HDAC11: variants seen among roughly 807,000 people sequenced by gnomAD.
HDAC11 encodes histone deacetylase 11.
Under a neutral mutation model 41.1 loss-of-function variants are expected in HDAC11, and 23 were observed. That is an observed-to-expected ratio of 0.56 (90% CI 0.40 to 0.79). The LOEUF is 0.79. HDAC11 is among the 30% of genes least tolerant of loss of function. The pLI is 0.00. For synonymous variants in HDAC11, 187 were observed against 186.6 expected (o/e 1.00, Z -0.02); for missense variants, 402 against 477.3 (o/e 0.84, Z 1.47).
intron 3 of HDAC11, among the ~76,000 whole-genome samples, chr3:13,486,884 G>A (rs961214407): frequency 2.6e-5 from 4 of 152,126 alleles, no homozygotes; most frequent in Non-Finnish European, 5.9e-5. Context: ...TGGCCCTCAT[G>A]TATAGCTTTG....
At chr3:13,498,593 G>T in intron 5 of HDAC11, 38 bp downstream of exon 5, 1 of 1,608,940 alleles carries the variant, frequency 6.2e-7, no homozygotes, top group Non-Finnish European at 8.5e-7. Flanking sequence ...GTCCAGCCCG[G>T]CTTGGTGGAA....
intron 5 of HDAC11, among the ~76,000 whole-genome samples, chr3:13,500,299 G>A (rs899629926): frequency 6.6e-6 from 1 of 152,076 alleles, no homozygotes; most frequent in Non-Finnish European, 1.5e-5. Flanking sequence ...GTGGCTGTAG[G>A]CAGTCATGAC....
In HDAC11 at chr3:13,504,594, C is replaced by T; in HGVS notation, c.955C>T (p.Leu319=). 6.2e-7 allele frequency: 1 copy of T among 1,613,848 alleles called. No individual in the cohort carries two copies. Among genetic ancestry groups the T allele is most frequent in the Middle Eastern group, 1.6e-4 (1 of 6,062 alleles). The change falls in exon 10 of 10, where the codon CTG becomes TTG. Residue 319 remains leucine, a synonymous_variant. Coordinates refer to ENST00000295757, the MANE Select transcript of HDAC11 (RefSeq NM_024827.4). The part of the protein sequence containing the change: ...ARIIADSILN[L]FGLGLIGPES... ...CATCATTGCTGACTCCATACTTAAT[C>T]TGTTTGGCCTGGGGCTCATTGGGCC...
rs1702402626 is a variant in HDAC11 at position 13,502,235 on chromosome 3, T to C, written c.552+302T>C. ...AGCTCTGCTGTGGGTCCCCATTGCTTATGAATAATTTGGGGCACTGCCCCC... is the reference window on the plus strand; with the variant it reads ...AGCTCTGCTGTGGGTCCCCATTGCTCATGAATAATTTGGGGCACTGCCCCC... On this transcript the variant is annotated intron_variant, in intron 7 of 9. Coordinates refer to ENST00000295757, the MANE Select transcript of HDAC11 (RefSeq NM_024827.4). The surrounding 1 kb of genome is among the most constrained non-coding windows in gnomAD (Gnocchi z 4.1). The C allele has an allele frequency of 2.7e-6, 1 of 370,120 alleles. No homozygotes were observed. Among genetic ancestry groups the C allele is most frequent in the Non-Finnish European group, 4.9e-6 (1 of 203,760 alleles). 22.9% of individuals were successfully genotyped at this position (370,120 alleles called of 1,614,324 possible). A position where few individuals can be genotyped will look rare whatever the true frequency, so the allele number is the denominator to read the frequency against.
rs112963975 is a variant in HDAC11 at position 13,502,792 on chromosome 3, A to G, written c.553-92A>G. ...GAGAGCAGGCCGTGCTGCCCTGGCA[A>G]ATGGGGAGTTTCCTGAGGGGTGGGT... On this transcript the variant is annotated intron_variant, in intron 7 of 9. Transcript: ENST00000295757. This position sits in a 1 kb window ranked among gnomAD's most constrained non-coding sequence, Gnocchi z 4.1. The G allele has an allele frequency of 4.2e-3, 3,834 of 913,856 alleles. 96 individuals carry two copies. The African/African-American group carries it at 0.056, about 13-fold the overall frequency. The allele number at this position is 913,856 out of a possible 1,614,324, so 56.6% of individuals were successfully genotyped here.
intron 3 of HDAC11, among the ~76,000 whole-genome samples, chr3:13,488,444 T>G (rs1179054703): frequency 6.6e-6 from 1 of 152,174 alleles, no homozygotes; most frequent in African/African-American, 2.4e-5. Flanking sequence ...CAAGTCCCCT[T>G]GGTAATCACT....
At chr3:13,499,465 C>T (rs180797682) in intron 5 of HDAC11, among the ~76,000 whole-genome samples, 56 of 152,312 alleles carry the variant, frequency 3.7e-4, no homozygotes, top group African/African-American at 4.6e-4. Context: ...TGAGCCACCA[C>T]GCCCGGCCTT....
At chr3:13,492,866 A>T (rs966199817) in intron 3 of HDAC11, among the ~76,000 whole-genome samples, 2 of 152,136 alleles carry the variant, frequency 1.3e-5, no homozygotes, top group African/African-American at 2.4e-5. Context: ...TTTAGATTAG[A>T]TGAGGAGGAC....
Position 13,502,953 on chromosome 3 carries a change from A to G in HDAC11, c.622A>G (p.Ile208Val). Residue 208 changes from isoleucine to valine, a missense_variant, in exon 8 of 10, where the codon ATC becomes GTC. Coordinates refer to ENST00000295757, the MANE Select transcript of HDAC11 (RefSeq NM_024827.4). The surrounding 1 kb of genome is among the most constrained non-coding windows in gnomAD (Gnocchi z 4.1). ...VYIMDVYNRH[I>V]YPGDRFAKQA... ...CATCATGGATGTCTACAACCGCCAC[A>G]TCTACCCAGGGGACCGCTTTGCCAA... 6.2e-7 allele frequency: 1 copy of G among 1,613,758 alleles called. No individual in the cohort carries two copies. The highest frequency in any genetic ancestry group is 8.5e-7 in the Non-Finnish European group (1 of 1,179,828).
chr3:13,486,872 C>G (rs1272908869), intron 3 of HDAC11, among the ~76,000 whole-genome samples: 2 of 152,190 alleles, frequency 1.3e-5, no homozygotes, highest in East Asian at 3.9e-4. Flanking sequence ...AGCCACTGCT[C>G]CTGGCCCTCA....
chr3:13,493,419 C>G (rs558606435), intron 3 of HDAC11, among the ~76,000 whole-genome samples: 19 of 152,356 alleles, frequency 1.2e-4, no homozygotes, highest in African/African-American at 4.6e-4. Context: ...AGCGGTGCTG[C>G]CCTGTGGAAC....
chr3:13,497,583 A>C (rs1250962229), intron 4 of HDAC11, among the ~76,000 whole-genome samples: 2 of 152,142 alleles, frequency 1.3e-5, no homozygotes, highest in Non-Finnish European at 2.9e-5. Flanking sequence ...AAGAATCCCC[A>C]CAGCAAAATT....
chr3:13,498,866 G>A (rs376562768), intron 5 of HDAC11, among the ~76,000 whole-genome samples: 28 of 152,008 alleles, frequency 1.8e-4, no homozygotes, highest in South Asian at 1.2e-3. Context: ...TCCAGAGAGC[G>A]TGTGCCATCC....
intron 3 of HDAC11, 70 bp downstream of exon 3, chr3:13,483,634 C>A: frequency 8.0e-7 from 1 of 1,244,820 alleles, no homozygotes; most frequent in Non-Finnish European, 1.2e-6. Context: ...TGGCCAGAGG[C>A]AGGAGGTGAC....
chr3:13,498,400 C>T, intron 4 of HDAC11, 113 bp from the exon 5 acceptor site: 2 of 1,337,360 alleles, frequency 1.5e-6, no homozygotes, highest in East Asian at 2.3e-5. Flanking sequence ...TCAGCTCATC[C>T]TTCCCCCAGA....
intron 2 of HDAC11, among the ~76,000 whole-genome samples, 163 bp from the exon 3 acceptor site, chr3:13,483,301 C>T (rs1701407872): frequency 6.6e-6 from 1 of 152,100 alleles, no homozygotes; most frequent in Non-Finnish European, 1.5e-5. Context: ...TCCACAGTGG[C>T]TGGGGAGGCT....
intron 4 of HDAC11, 36 bp downstream of exon 4, chr3:13,496,888 C>T: frequency 1.6e-6 from 2 of 1,223,294 alleles, no homozygotes; most frequent in Non-Finnish European, 1.1e-6. Context: ...GGGCTGGGGG[C>T]CCCCACACCC....
At chr3:13,497,069 T>G (rs1702133342) in intron 4 of HDAC11, among the ~76,000 whole-genome samples, 1 of 152,166 alleles carries the variant, frequency 6.6e-6, no homozygotes, top group South Asian at 2.1e-4. Context: ...TCCTATGACC[T>G]CCTATTTGTT....
At chr3:13,485,960 A>G (rs925353680) in intron 3 of HDAC11, among the ~76,000 whole-genome samples, 2 of 149,978 alleles carry the variant, frequency 1.3e-5, no homozygotes, top group Admixed American at 6.8e-5. Flanking sequence ...GATGGTTTCT[A>G]CGGCACCTAT....
Sources: allele counts gnomAD v4.1 joint callset (sites outside exome capture counted in the v4.1 genomes callset), GRCh38; gene constraint gnomAD v4.1.1; non-coding constraint Gnocchi (gnomAD v3.1); transcripts MANE v1.5; gene names NCBI Gene and HGNC (gene_info 2026-07-23, HGNC 2026-07-21).